The following ADAMTS19 variants were observed in gnomAD, a reference collection of about 807,000 sequenced individuals.
The protein encoded by ADAMTS19 is A disintegrin and metalloproteinase with thrombospondin motifs 19.
Under a neutral mutation model 153.3 loss-of-function variants are expected in ADAMTS19, and 93 were observed. The ratio of observed to expected loss-of-function variants is 0.61; its 90% CI spans 0.51 to 0.72. The LOEUF (loss-of-function observed/expected upper bound fraction) is 0.72. Ranked by LOEUF, ADAMTS19 falls within the 30% of genes least tolerant of loss-of-function variation. The pLI is 0.00. For synonymous variants in ADAMTS19, 600 were observed against 556.6 expected (o/e 1.08, Z -1.10); for missense variants, 1,482 against 1,552.1 (o/e 0.95, Z 0.76).
At chr5:129,660,564 C>T (rs1190355461) in intron 15 of ADAMTS19, among the ~76,000 whole-genome samples, 2 of 151,906 alleles carry the variant, frequency 1.3e-5, no homozygotes, top group Non-Finnish European at 2.9e-5. Context: ...TTCCACTAAG[C>T]ATAGAAAACA....
intron 21 of ADAMTS19, among the ~76,000 whole-genome samples, chr5:129,705,354 A>G (rs1444879675): frequency 6.6e-6 from 1 of 152,192 alleles, no homozygotes; most frequent in Non-Finnish European, 1.5e-5. Context: ...TATTTTCAAT[A>G]TAGAAAATAC....
intron 10 of ADAMTS19, among the ~76,000 whole-genome samples, chr5:129,630,727 T>C (rs1444287134): frequency 6.6e-6 from 1 of 152,052 alleles, no homozygotes; most frequent in East Asian, 1.9e-4. Flanking sequence ...CAGAAAATTA[T>C]TGTTTGAAAT....
intron 11 of ADAMTS19, among the ~76,000 whole-genome samples, chr5:129,645,416 A>G (rs1332456485): frequency 6.6e-6 from 1 of 152,244 alleles, no homozygotes; most frequent in Non-Finnish European, 1.5e-5. Flanking sequence ...GTTGAAGCAC[A>G]GAACCATATA....
intron 2 of ADAMTS19, among the ~76,000 whole-genome samples, chr5:129,466,177 AAAAGAT>A (rs1749850254): frequency 6.6e-6 from 1 of 152,218 alleles, no homozygotes; most frequent in Non-Finnish European, 1.5e-5. Flanking sequence ...CTCTACTCTC[AAAAGAT>A]GAGCTGTTGG....
chr5:129,620,214 G>A (rs900434161), intron 8 of ADAMTS19, among the ~76,000 whole-genome samples: 7 of 151,268 alleles, frequency 4.6e-5, no homozygotes, highest in African/African-American at 1.7e-4. Flanking sequence ...GGTAAAAGAT[G>A]TGTTTGTTTT....
At chr5:129,500,163 C>T (rs959967183) in intron 2 of ADAMTS19, among the ~76,000 whole-genome samples, 10 of 152,104 alleles carry the variant, frequency 6.6e-5, no homozygotes, top group Admixed American at 3.9e-4. Context: ...ACATGCCCTC[C>T]GCATTCAGGC....
intron 8 of ADAMTS19, among the ~76,000 whole-genome samples, chr5:129,608,086 A>ATG (rs1360467704): frequency 0.014 from 816 of 56,860 alleles, 141 homozygotes; most frequent in East Asian, 0.049. Flanking sequence ...GGAATTTTAT[A>ATG]TATATGTGTG....
intron 7 of ADAMTS19, among the ~76,000 whole-genome samples, chr5:129,555,699 T>A (rs190794977): frequency 2.6e-5 from 4 of 152,288 alleles, no homozygotes; most frequent in African/African-American, 9.6e-5. Flanking sequence ...ATGGAGAGGT[T>A]ACAGATTTTC....
chr5:129,726,099 T>C (rs1356742011), intron 21 of ADAMTS19, among the ~76,000 whole-genome samples: 1 of 152,172 alleles, frequency 6.6e-6, no homozygotes, highest in Non-Finnish European at 1.5e-5. Flanking sequence ...TAAGCAATTT[T>C]CTAAGCTGTT....
intron 15 of ADAMTS19, among the ~76,000 whole-genome samples, chr5:129,662,424 CAT>C (rs143036842): frequency 0.036 from 5,551 of 152,258 alleles, 311 homozygotes; most frequent in African/African-American, 0.13. Flanking sequence ...TTTCTCTCTT[CAT>C]ATGTGTTTGA....
At chr5:129,567,961 C>G (rs554581035) in intron 7 of ADAMTS19, among the ~76,000 whole-genome samples, 1 of 152,086 alleles carries the variant, frequency 6.6e-6, no homozygotes, top group African/African-American at 2.4e-5. Context: ...CAATGACAGC[C>G]GATTTCTCAT....
chr5:129,543,257 G>T (rs1479026019), intron 6 of ADAMTS19, among the ~76,000 whole-genome samples: 2 of 151,706 alleles, frequency 1.3e-5, no homozygotes, highest in Admixed American at 1.3e-4. Flanking sequence ...TCTCCATGTT[G>T]GTCAGGCTGG....
intron 3 of ADAMTS19, among the ~76,000 whole-genome samples, chr5:129,522,316 T>TATAC (rs1249492013): frequency 9.8e-5 from 9 of 91,966 alleles, no homozygotes; most frequent in African/African-American, 9.4e-5. Flanking sequence ...TATATATATA[T>TATAC]ACACACACAC....
chr5:129,479,023 C>T (rs901990323), intron 2 of ADAMTS19, among the ~76,000 whole-genome samples: 3 of 152,042 alleles, frequency 2.0e-5, no homozygotes, highest in Admixed American at 6.6e-5. Flanking sequence ...TTCACAGAAA[C>T]CCACTAAGGT....
chr5:129,612,630 C>T (rs551374552), intron 8 of ADAMTS19, among the ~76,000 whole-genome samples: 105 of 152,230 alleles, frequency 6.9e-4, no homozygotes, highest in African/African-American at 2.4e-3. Flanking sequence ...ACTGCATCAA[C>T]TAAAGAGCAA....
chr5:129,733,522 A>G (rs1392326259), intron 21 of ADAMTS19, among the ~76,000 whole-genome samples: 3 of 152,052 alleles, frequency 2.0e-5, no homozygotes, highest in Non-Finnish European at 4.4e-5. Flanking sequence ...TCCTCAGGAG[A>G]GACACACAAG....
intron 3 of ADAMTS19, among the ~76,000 whole-genome samples, chr5:129,512,217 A>C (rs1056032554): frequency 3.0e-4 from 46 of 152,076 alleles, no homozygotes; most frequent in African/African-American, 1.0e-3. Flanking sequence ...TTTAGGCAGG[A>C]TGTAGAGATC....
At chr5:129,592,406 T>G (rs1750184029) in intron 7 of ADAMTS19, among the ~76,000 whole-genome samples, 1 of 151,042 alleles carries the variant, frequency 6.6e-6, no homozygotes, top group African/African-American at 2.4e-5. Context: ...AAAAGTGCTT[T>G]GAAAAGGGCC....
At chr5:129,711,038 C>T (rs1756433056) in intron 21 of ADAMTS19, among the ~76,000 whole-genome samples, 1 of 152,092 alleles carries the variant, frequency 6.6e-6, no homozygotes, top group East Asian at 1.9e-4. Context: ...ATACACTACC[C>T]CAATTAAAAT....
Sources: gnomAD v4.1 joint callset for allele counts (sites outside exome capture counted in the v4.1 genomes callset) on GRCh38, gnomAD v4.1.1 for gene constraint, MANE v1.5 for transcripts, NCBI Gene and HGNC (gene_info 2026-07-23, HGNC 2026-07-21) for gene names.